GREM2: variants seen among roughly 807,000 people sequenced by gnomAD.
GREM2 encodes gremlin 2, DAN family BMP antagonist.
GREM2 carries 11 observed loss-of-function variants against 14.2 expected under a neutral mutation model. The ratio of observed to expected loss-of-function variants is 0.78; its 90% CI spans 0.49 to 1.28. The LOEUF is 1.28. GREM2 is among the 50% of genes most tolerant of loss of function. The pLI is 0.00. For missense variants in GREM2, 210 were observed against 218.5 expected (o/e 0.96, Z 0.24); for synonymous variants, 98 against 97.6 (o/e 1.00, Z -0.02).
chr1:240,592,409 A>G (rs1344817991), intron 1 of GREM2, among the ~76,000 whole-genome samples: 1 of 152,214 alleles, frequency 6.6e-6, no homozygotes, highest in Non-Finnish European at 1.5e-5. Flanking sequence ...GCACCAAAAA[A>G]TATTTAAGTG....
At chr1:240,587,461 A>ACAAGC (rs1679620544) in intron 1 of GREM2, among the ~76,000 whole-genome samples, 1 of 151,868 alleles carries the variant, frequency 6.6e-6, no homozygotes, top group Non-Finnish European at 1.5e-5. Context: ...AGCTGAGGCT[A>ACAAGC]CAAGCATAAG....
chr1:240,569,921 A>AT (rs35815960), intron 1 of GREM2, among the ~76,000 whole-genome samples: 82,275 of 151,958 alleles, frequency 0.54, 24,031 homozygotes, highest in African/African-American at 0.78. Context: ...CTTCACTAAA[A>AT]TTTTTTTAAT....
chr1:240,570,400 T>C (rs1679237852), intron 1 of GREM2, among the ~76,000 whole-genome samples: 3 of 152,080 alleles, frequency 2.0e-5, no homozygotes, highest in African/African-American at 7.2e-5. Flanking sequence ...AGGTGGAGGT[T>C]GCAGTGAGCC....
chr1:240,564,806 C>T (rs1679143896), intron 1 of GREM2, among the ~76,000 whole-genome samples: 1 of 152,182 alleles, frequency 6.6e-6, no homozygotes, highest in African/African-American at 2.4e-5. Context: ...TTCCTTGCAT[C>T]AGGTGGCACT....
chr1:240,584,186 C>T (rs1679544301), intron 1 of GREM2, among the ~76,000 whole-genome samples: 1 of 151,856 alleles, frequency 6.6e-6, no homozygotes, highest in African/African-American at 2.4e-5. Flanking sequence ...CAGTAAGACC[C>T]CATCTCTACA....
At chr1:240,558,914 T>C (rs9428487) in intron 1 of GREM2, among the ~76,000 whole-genome samples, 5,111 of 152,254 alleles carry the variant, frequency 0.034, 271 homozygotes, top group African/African-American at 0.12. Context: ...TTTTTTCTTT[T>C]ACCTTTTGGC....
intron 1 of GREM2, among the ~76,000 whole-genome samples, chr1:240,592,068 A>G (rs1038502141): frequency 2.0e-5 from 3 of 152,330 alleles, no homozygotes; most frequent in East Asian, 3.9e-4. Flanking sequence ...GGCTGTGGCT[A>G]CAGCTGAGAG....
intron 1 of GREM2, among the ~76,000 whole-genome samples, chr1:240,576,780 A>G (rs1449741173): frequency 6.6e-6 from 1 of 152,222 alleles, no homozygotes; most frequent in Non-Finnish European, 1.5e-5. Context: ...CAGATACTCC[A>G]ATTAGAATGA....
intron 1 of GREM2, among the ~76,000 whole-genome samples, chr1:240,497,192 C>T (rs1169399641): frequency 7.9e-5 from 12 of 152,160 alleles, no homozygotes; most frequent in Admixed American, 7.9e-4. Flanking sequence ...ACATCTGAAT[C>T]ACCTGTGGTA....
Position 240,542,312 on chromosome 1 carries a change from G to A in GREM2, c.-1-48836C>T, listed in dbSNP as rs1404778351. Among the ~76,000 whole-genome samples, 1 of 151,834 alleles carries A rather than the reference G, an allele frequency of 6.6e-6. No individual in the cohort carries two copies. Among genetic ancestry groups the A allele is most frequent in the Non-Finnish European group, 1.5e-5 (1 of 67,972 alleles). On this transcript the variant is annotated intron_variant, in intron 1 of 1. Coordinates refer to ENST00000318160, the MANE Select transcript of GREM2 (RefSeq NM_022469.4). The surrounding 1 kb of genome is among the most constrained non-coding windows in gnomAD (Gnocchi z 4.1). The stretch of plus-strand genomic sequence containing the variant: ...TTGATTCAGCATTTTAATTTCTAAG[G>A]AGCTGAGCCGGGCACGGTGGCTCAC...
intron 1 of GREM2, among the ~76,000 whole-genome samples, chr1:240,503,215 A>C (rs548927961): frequency 6.6e-6 from 1 of 152,340 alleles, no homozygotes; most frequent in African/African-American, 2.4e-5. Flanking sequence ...TAAATTCTTT[A>C]GTATTTAAAT....
At chr1:240,530,534 C>T (rs1249238761) in intron 1 of GREM2, 1 of 152,154 alleles carries the variant, frequency 6.6e-6, no homozygotes, top group Non-Finnish European at 1.5e-5. Flanking sequence ...TCACATGTGG[C>T]TTCCATGAAA....
chr1:240,552,626 A>T (rs12128532), intron 1 of GREM2, among the ~76,000 whole-genome samples: 44,060 of 152,026 alleles, frequency 0.29, 6,513 homozygotes, highest in East Asian at 0.42. Flanking sequence ...TGCTGGAGCA[A>T]GAAAAGCTTT....
intron 1 of GREM2, among the ~76,000 whole-genome samples, chr1:240,551,276 A>C (rs1479424516): frequency 1.3e-5 from 2 of 152,128 alleles, no homozygotes; most frequent in African/African-American, 4.8e-5. Context: ...ACAAAAATTG[A>C]TTTGCATGGA....
At chr1:240,604,182 C>A (rs990233246) in intron 1 of GREM2, among the ~76,000 whole-genome samples, 1 of 151,880 alleles carries the variant, frequency 6.6e-6, no homozygotes, top group Non-Finnish European at 1.5e-5. Context: ...GCCATTAATG[C>A]GGGATCTACC....
At chr1:240,568,571 A>G (rs1191259580) in intron 1 of GREM2, among the ~76,000 whole-genome samples, 1 of 152,216 alleles carries the variant, frequency 6.6e-6, no homozygotes, top group Admixed American at 6.5e-5. Flanking sequence ...TATGCCATCT[A>G]TAATAAGTAT....
intron 1 of GREM2, among the ~76,000 whole-genome samples, chr1:240,541,645 T>A (rs1263283552): frequency 1.3e-5 from 2 of 152,212 alleles, no homozygotes; most frequent in Admixed American, 1.3e-4. Flanking sequence ...GGGTTTTATT[T>A]CCCTTGGATT....
intron 1 of GREM2, among the ~76,000 whole-genome samples, chr1:240,605,970 T>A (rs540473318): frequency 3.3e-5 from 5 of 152,196 alleles, no homozygotes; most frequent in Admixed American, 3.3e-4. Flanking sequence ...ATTTTAAACA[T>A]TTAGGAGTCT....
At chr1:240,587,307 C>CT (rs1475531291) in intron 1 of GREM2, among the ~76,000 whole-genome samples, 1 of 150,506 alleles carries the variant, frequency 6.6e-6, no homozygotes, top group Non-Finnish European at 1.5e-5. Flanking sequence ...TCTTTTCTTT[C>CT]TTTTTTTCTT....
Sources: allele counts gnomAD v4.1 joint callset (sites outside exome capture counted in the v4.1 genomes callset), GRCh38; gene constraint gnomAD v4.1.1; non-coding constraint Gnocchi (gnomAD v3.1); transcripts MANE v1.5; gene names NCBI Gene and HGNC (gene_info 2026-07-23, HGNC 2026-07-21).